Variants in SEMA3A observed in about 807,000 individuals in gnomAD.
SEMA3A encodes semaphorin-3A.
SEMA3A carries 29 observed loss-of-function variants against 97.9 expected under a neutral mutation model. The observed-to-expected ratio is 0.30, with a 90% CI of 0.22 to 0.40. SEMA3A has a LOEUF of 0.40. SEMA3A is among the 10% of genes least tolerant of loss of function. SEMA3A has a pLI of 1.00. For synonymous variants in SEMA3A, 321 were observed against 323.7 expected (o/e 0.99, Z 0.09); for missense variants, 763 against 951.3 (o/e 0.80, Z 2.60).
intron 1 of SEMA3A, among the ~76,000 whole-genome samples, chr7:84,484,466 T>G (rs2116440718): frequency 6.6e-6 from 1 of 152,194 alleles, no homozygotes; most frequent in Middle Eastern, 3.4e-3. Flanking sequence ...TTAACAAACC[T>G]ATCACTGTGG....
chr7:84,313,358 A>G (rs1453226341), intron 2 of SEMA3A, among the ~76,000 whole-genome samples: 565 of 4,122 alleles, frequency 0.14, 6 homozygotes, highest in African/African-American at 0.2. Context: ...GTGTGTGTGT[A>G]TATATATATA....
intron 1 of SEMA3A, among the ~76,000 whole-genome samples, chr7:84,423,019 C>T (rs530955092): frequency 1.3e-5 from 2 of 152,040 alleles, no homozygotes; most frequent in East Asian, 3.9e-4. Flanking sequence ...GTATTTTCAC[C>T]ATCCAGTGAT....
chr7:84,096,264 A>G (rs1794768577), intron 4 of SEMA3A, among the ~76,000 whole-genome samples: 1 of 152,066 alleles, frequency 6.6e-6, no homozygotes. Context: ...ATACTTTTTA[A>G]CTAATTCGAG....
intron 3 of SEMA3A, chr7:84,306,743 T>C (rs1365500455): frequency 6.6e-6 from 1 of 152,154 alleles, no homozygotes; most frequent in Non-Finnish European, 1.5e-5. Context: ...TAACACATTA[T>C]AAACTGACTT....
chr7:84,306,610 A>G (rs935731656), intron 3 of SEMA3A: 1 of 152,148 alleles, frequency 6.6e-6, no homozygotes, highest in African/African-American at 2.4e-5. Flanking sequence ...ATCCTGAGAA[A>G]CCTTTATGGT....
chr7:84,395,052 A>T (rs1359897108), intron 1 of SEMA3A, among the ~76,000 whole-genome samples: 4 of 152,116 alleles, frequency 2.6e-5, no homozygotes. Context: ...ATAAGATAGG[A>T]GATTGGTCTA....
chr7:84,351,066 TACACACACACACAC>T (rs149149582), intron 2 of SEMA3A, among the ~76,000 whole-genome samples: 3 of 146,562 alleles, frequency 2.0e-5, no homozygotes, highest in Non-Finnish European at 4.6e-5. Context: ...TACACATGCA[TACACACACACACAC>T]ACACACACAC....
At chr7:84,119,956 C>CAA (rs1795553460) in intron 3 of SEMA3A, among the ~76,000 whole-genome samples, 1 of 151,916 alleles carries the variant, frequency 6.6e-6, no homozygotes, top group African/African-American at 2.4e-5. Context: ...ATTTGTTAAC[C>CAA]AATGCCAAAT....
intron 1 of SEMA3A, among the ~76,000 whole-genome samples, chr7:84,415,078 T>G (rs1804395869): frequency 6.6e-6 from 1 of 152,054 alleles, no homozygotes; most frequent in Admixed American, 6.6e-5. Flanking sequence ...TAAGGCAAAT[T>G]AATAAAGGGA....
chr7:84,057,946 C>G (rs947917367), intron 5 of SEMA3A, among the ~76,000 whole-genome samples: 6 of 152,034 alleles, frequency 3.9e-5, no homozygotes, highest in Admixed American at 1.3e-4. Context: ...TCCATATTCT[C>G]AATAGTCCTC....
At chr7:84,437,267 A>G (rs1805156663) in intron 1 of SEMA3A, among the ~76,000 whole-genome samples, 1 of 152,096 alleles carries the variant, frequency 6.6e-6, no homozygotes, top group Admixed American at 6.6e-5. Flanking sequence ...GAACTGAAGT[A>G]GACGGAAATG....
At chr7:84,109,666 G>C (rs1417302049) in intron 4 of SEMA3A, among the ~76,000 whole-genome samples, 1 of 152,130 alleles carries the variant, frequency 6.6e-6, no homozygotes, top group Non-Finnish European at 1.5e-5. Context: ...AATATTTCAA[G>C]AATAAGTCCT....
chr7:84,444,706 T>G (rs1418686165), intron 1 of SEMA3A, among the ~76,000 whole-genome samples: 1 of 151,726 alleles, frequency 6.6e-6, no homozygotes, highest in East Asian at 1.9e-4. Flanking sequence ...GGACTACAGG[T>G]GCCCGCTACC....
At chr7:84,341,364 G>T (rs1177191712) in intron 2 of SEMA3A, among the ~76,000 whole-genome samples, 1 of 152,050 alleles carries the variant, frequency 6.6e-6, no homozygotes, top group African/African-American at 2.4e-5. Flanking sequence ...AATCTTCAAA[G>T]AATATTTCAG....
At chr7:84,425,413 C>A (rs534058724) in intron 1 of SEMA3A, among the ~76,000 whole-genome samples, 10 of 125,358 alleles carry the variant, frequency 8.0e-5, no homozygotes, top group East Asian at 4.6e-4. Flanking sequence ...AAATATATGC[C>A]TATATTTATA....
intron 3 of SEMA3A, among the ~76,000 whole-genome samples, chr7:84,303,989 T>G (rs1168646618): frequency 3.9e-5 from 6 of 152,148 alleles, no homozygotes; most frequent in Non-Finnish European, 8.8e-5. Flanking sequence ...CTTAATGGCT[T>G]TGTTTTAACT....
At chr7:84,008,161 CAGAT>C (rs1288434730) in intron 9 of SEMA3A, among the ~76,000 whole-genome samples, 2 of 152,072 alleles carry the variant, frequency 1.3e-5, no homozygotes, top group South Asian at 2.1e-4. Context: ...AACAAAAAAT[CAGAT>C]AGACTGGAAG....
chr7:84,361,520 T>C (rs1009606558), intron 2 of SEMA3A, among the ~76,000 whole-genome samples: 18 of 151,958 alleles, frequency 1.2e-4, no homozygotes, highest in Non-Finnish European at 1.5e-5. Context: ...TTATCGAACA[T>C]GGGAGTTAGA....
At chr7:84,299,338 A>ATT (rs1800948836) in intron 3 of SEMA3A, among the ~76,000 whole-genome samples, 1 of 112,972 alleles carries the variant, frequency 8.9e-6, no homozygotes, top group African/African-American at 3.4e-5. Flanking sequence ...ATATATATGT[A>ATT]TCTCTCTCTC....
Sources: allele counts gnomAD v4.1 joint callset (sites outside exome capture counted in the v4.1 genomes callset), GRCh38; gene constraint gnomAD v4.1.1; transcripts MANE v1.5; gene names NCBI Gene and HGNC (gene_info 2026-07-23, HGNC 2026-07-21).